The following AIG1 variants were observed in gnomAD, a reference collection of about 807,000 sequenced individuals.
AIG1 encodes the protein androgen induced 1.
A neutral mutation model predicts 31.4 loss-of-function variants in AIG1; 23 were observed. The ratio of observed to expected loss-of-function variants is 0.73; its 90% CI spans 0.53 to 1.04. AIG1 has a LOEUF of 1.04. Ranked by LOEUF, AIG1 falls within the 50% of genes least tolerant of loss-of-function variation. The pLI, the probability that AIG1 is intolerant of heterozygous loss-of-function variation, is 0.00. For missense variants in AIG1, 274 were observed against 295.0 expected (o/e 0.93, Z 0.52); for synonymous variants, 100 against 110.5 (o/e 0.90, Z 0.60).
intron 2 of AIG1, among the ~76,000 whole-genome samples, chr6:143,151,351 A>G (rs548449603): frequency 6.6e-6 from 1 of 152,352 alleles, no homozygotes; most frequent in East Asian, 1.9e-4. Context: ...TTCATAGAGA[A>G]AAACAAAAAA....
At chr6:143,188,891 T>C in intron 3 of AIG1, 1 of 985,186 alleles carries the variant, frequency 1.0e-6, no homozygotes, top group Non-Finnish European at 1.2e-6. Flanking sequence ...AAATTTAAAG[T>C]GTATTCAGTA....
intron 3 of AIG1, among the ~76,000 whole-genome samples, chr6:143,254,076 C>T (rs141338888): frequency 5.3e-5 from 8 of 152,260 alleles, no homozygotes; most frequent in Non-Finnish European, 1.0e-4. Context: ...AGGGAGAAAG[C>T]GCCTTTTCAA....
chr6:143,203,445 C>A (rs1369552961), intron 3 of AIG1, among the ~76,000 whole-genome samples: 3 of 152,184 alleles, frequency 2.0e-5, no homozygotes, highest in Non-Finnish European at 4.4e-5. Flanking sequence ...TTTTGACTTT[C>A]CACATTAATT....
intron 3 of AIG1, among the ~76,000 whole-genome samples, chr6:143,172,415 C>T (rs1281536165): frequency 6.6e-6 from 1 of 152,168 alleles, no homozygotes; most frequent in Non-Finnish European, 1.5e-5. Flanking sequence ...TGGTATAAAT[C>T]CCACTTGATC....
intron 3 of AIG1, 90 bp downstream of exon 3, chr6:143,165,273 C>A: frequency 1.0e-6 from 1 of 1,004,532 alleles, no homozygotes; most frequent in Non-Finnish European, 1.5e-6. Flanking sequence ...ATAGAATTTG[C>A]CTAAAAAGCC....
At chr6:143,191,027 T>A (rs749489286) in intron 3 of AIG1, among the ~76,000 whole-genome samples, 1 of 152,088 alleles carries the variant, frequency 6.6e-6, no homozygotes, top group Non-Finnish European at 1.5e-5. Context: ...CGTTTGAAGA[T>A]CTTTGAATTT....
intron 2 of AIG1, among the ~76,000 whole-genome samples, chr6:143,137,242 G>A (rs1783845693): frequency 6.6e-6 from 1 of 152,148 alleles, no homozygotes; most frequent in Admixed American, 6.5e-5. Flanking sequence ...CTTGCAGACA[G>A]CGCCTTCTGA....
At chr6:143,262,804 G>C (rs914949106) in intron 3 of AIG1, among the ~76,000 whole-genome samples, 1 of 152,026 alleles carries the variant, frequency 6.6e-6, no homozygotes, top group Non-Finnish European at 1.5e-5. Context: ...AATCATTAGG[G>C]GGACCACAGA....
downstream of AIG1, among the ~76,000 whole-genome samples, chr6:143,341,321 A>C (rs1777846474): frequency 6.6e-6 from 1 of 152,214 alleles, no homozygotes; most frequent in Non-Finnish European, 1.5e-5. Flanking sequence ...GTTGGTTTCC[A>C]TCACAACTAC....
At chr6:143,061,218 T>G in intron 1 of AIG1, 152 bp downstream of exon 1, 1 of 965,698 alleles carries the variant, frequency 1.0e-6, no homozygotes, top group South Asian at 1.3e-5. Flanking sequence ...CCCCAGTGAT[T>G]GCGTGTGAAG....
chr6:143,333,503 C>A lies in AIG1; in HGVS notation c.679+58C>A. On this transcript the variant is annotated intron_variant, in intron 5 of 5. Coordinates refer to ENST00000357847, the MANE Select transcript of AIG1 (RefSeq NM_016108.4). This position sits in a 1 kb window ranked among gnomAD's most constrained non-coding sequence, Gnocchi z 4.6. ...GAATTACTGCCGGCAACAGTCTATG[C>A]AGAGACTGAGGGAAAATTCCACTGT... The A allele has an allele frequency of 6.4e-7, 1 of 1,551,378 alleles. No homozygotes were observed. The highest frequency in any genetic ancestry group is 8.7e-7 in the Non-Finnish European group (1 of 1,144,416).
At chr6:143,253,765 TAAAAC>T (rs1353272081) in intron 3 of AIG1, among the ~76,000 whole-genome samples, 2 of 152,314 alleles carry the variant, frequency 1.3e-5, no homozygotes, top group Admixed American at 6.5e-5. Context: ...TTCAAATTCT[TAAAAC>T]TAAACAGAAA....
Position 143,280,047 on chromosome 6 carries a change from G to A in AIG1, c.400-4063G>A, listed in dbSNP as rs1273329144. 6.6e-6 allele frequency among the ~76,000 whole-genome samples: 1 copy of A among 152,192 alleles called. No homozygotes were observed. The highest frequency in any genetic ancestry group is 1.9e-4 in the East Asian group (1 of 5,194). On this transcript the variant is annotated intron_variant, in intron 3 of 5. Coordinates refer to ENST00000357847, the MANE Select transcript of AIG1 (RefSeq NM_016108.4). This position sits in a 1 kb window ranked among gnomAD's most constrained non-coding sequence, Gnocchi z 4.1. Reference sequence around the variant, plus strand: ...TCTTAAGAGCTAAGAGCCACCTTTGGTGACTAGACTTTGTAACCATCTCAT... The same window carrying A: ...TCTTAAGAGCTAAGAGCCACCTTTGATGACTAGACTTTGTAACCATCTCAT...
intron 4 of AIG1, among the ~76,000 whole-genome samples, chr6:143,301,237 A>G (rs1798806105): frequency 6.6e-6 from 1 of 152,258 alleles, no homozygotes; most frequent in Non-Finnish European, 1.5e-5. Context: ...CAAGGCAGTC[A>G]TTAAAGTTAA....
intron 3 of AIG1, among the ~76,000 whole-genome samples, chr6:143,199,962 C>T (rs1042450915): frequency 6.6e-6 from 1 of 151,972 alleles, no homozygotes; most frequent in African/African-American, 2.4e-5. Context: ...AGTAGGACCA[C>T]CAGGAGAAAG....
intron 3 of AIG1, chr6:143,190,691 T>C (rs1466499108): frequency 3.8e-6 from 3 of 792,754 alleles, no homozygotes; most frequent in Non-Finnish European, 4.6e-6. Context: ...TATTCTAACA[T>C]GATGGGATGT....
At chr6:143,152,084 G>T (rs1437015580) in intron 2 of AIG1, among the ~76,000 whole-genome samples, 2 of 152,080 alleles carry the variant, frequency 1.3e-5, no homozygotes, top group African/African-American at 2.4e-5. Context: ...TTAGCCTTCA[G>T]TTTCCACTGT....
At chr6:143,310,241 G>A (rs1775154876) in intron 4 of AIG1, among the ~76,000 whole-genome samples, 1 of 151,560 alleles carries the variant, frequency 6.6e-6, no homozygotes, top group Non-Finnish European at 1.5e-5. Context: ...CCCTATTCGG[G>A]GCAATAAAAC....
rs1019254363 is a variant in AIG1 at position 143,145,787 on chromosome 6, A to C, written c.297+8797A>C. ...ATAACAATATGTAAAATAAGTAAAA[A>C]CTAGTAGGATTCTAGGTAATTTATT... On this transcript the variant is annotated intron_variant, in intron 2 of 5. Transcript: ENST00000357847. 3.9e-5 allele frequency among the ~76,000 whole-genome samples: 6 copies of C among 152,198 alleles called. No individual in the cohort carries two copies. In the East Asian group the frequency reaches 9.6e-4, roughly 24 times the overall value.
Sources: gnomAD v4.1 joint callset for allele counts (sites outside exome capture counted in the v4.1 genomes callset) on GRCh38, gnomAD v4.1.1 for gene constraint, Gnocchi (gnomAD v3.1) non-coding constraint, MANE v1.5 for transcripts, NCBI Gene and HGNC (gene_info 2026-07-23, HGNC 2026-07-21) for gene names.